SAXO1: variants seen among roughly 807,000 people sequenced by gnomAD.
SAXO1 encodes stabilizer of axonemal microtubules 1, also known as 4930500O09Rik.
In SAXO1, 21 loss-of-function variants were observed where a neutral mutation model predicts 17.5. The ratio of observed to expected loss-of-function variants is 1.20; its 90% CI spans 0.85 to 1.72. SAXO1 has a LOEUF of 1.72. SAXO1 is among the 40% of genes most tolerant of loss of function. SAXO1 has a pLI of 0.00. For synonymous variants in SAXO1, 274 were observed against 216.5 expected, an observed-to-expected ratio of 1.27 and a Z score of -2.33; for missense variants, 843 against 596.0, an observed-to-expected ratio of 1.41 and a Z score of -4.32.
chr9:18,937,388 C>T (rs1253685963), intron 3 of SAXO1, among the ~76,000 whole-genome samples: 1 of 152,218 alleles, frequency 6.6e-6, no homozygotes, highest in Non-Finnish European at 1.5e-5. Context: ...TCACTTGACA[C>T]ACTTTGTTGT....
At chr9:19,025,035 C>T (rs1835415663) in intron 1 of SAXO1, among the ~76,000 whole-genome samples, 2 of 152,092 alleles carry the variant, frequency 1.3e-5, no homozygotes, top group South Asian at 2.1e-4. Context: ...GACATATACC[C>T]ACTTGTACTC....
chr9:18,965,848 T>C (rs1832694349), intron 1 of SAXO1, among the ~76,000 whole-genome samples: 1 of 152,234 alleles, frequency 6.6e-6, no homozygotes, highest in Non-Finnish European at 1.5e-5. Context: ...GTCATTGGTC[T>C]TTACATTTCG....
intron 1 of SAXO1, among the ~76,000 whole-genome samples, chr9:19,002,182 C>A (rs919658346): frequency 3.3e-5 from 5 of 152,092 alleles, no homozygotes; most frequent in African/African-American, 9.7e-5. Context: ...CATACCCTCC[C>A]AAGACTAAAC....
upstream of SAXO1, among the ~76,000 whole-genome samples, chr9:19,036,761 G>C (rs1467433809): frequency 6.6e-6 from 1 of 152,210 alleles, no homozygotes; most frequent in African/African-American, 2.4e-5. Flanking sequence ...ACCTCTGCTA[G>C]GGCAATGTGA....
At chr9:19,032,781 G>A in intron 1 of SAXO1, 90 bp downstream of exon 1, 6 of 1,436,220 alleles carry the variant, frequency 4.2e-6, no homozygotes, top group African/African-American at 2.8e-5. Context: ...CCGTGATGCC[G>A]CCTGATGAAG....
chr9:19,028,218 A>AT (rs397705070), intron 1 of SAXO1: 9 of 1,015,256 alleles, frequency 8.9e-6, no homozygotes, highest in Non-Finnish European at 1.2e-5. Flanking sequence ...AACAAAAAAA[A>AT]TACAAAAATT....
chr9:19,027,208 C>A, intron 1 of SAXO1: 1 of 1,185,942 alleles, frequency 8.4e-7, no homozygotes, highest in Non-Finnish European at 1.3e-6. Context: ...GACAAGTGTG[C>A]TGTGATCAAA....
chr9:19,015,496 A>G (rs1834936332), intron 1 of SAXO1, among the ~76,000 whole-genome samples: 1 of 152,060 alleles, frequency 6.6e-6, no homozygotes, highest in African/African-American at 2.4e-5. Context: ...TGTGTGTACC[A>G]CCACGCCCGG....
chr9:18,953,786 TG>T (rs1475950089), intron 1 of SAXO1, among the ~76,000 whole-genome samples: 2 of 152,230 alleles, frequency 1.3e-5, no homozygotes, highest in Non-Finnish European at 2.9e-5. Context: ...ATTTAATAGA[TG>T]GATAAACAGT....
intron 1 of SAXO1, among the ~76,000 whole-genome samples, chr9:19,008,948 T>G (rs1320519501): frequency 6.6e-6 from 1 of 152,166 alleles, no homozygotes; most frequent in Non-Finnish European, 1.5e-5. Flanking sequence ...AATCACCAAA[T>G]TGAAAGCAAT....
rs370921294 is a variant in SAXO1 at position 18,965,058 on chromosome 9, G to A, written c.39-14121C>T. Among the ~76,000 whole-genome samples, 473 of 152,282 alleles carry A rather than the reference G, an allele frequency of 3.1e-3. 7 individuals are homozygous for A. The South Asian group carries it at 0.044, about 14-fold the overall frequency. ...CAGGTTGTTCAGTTTCCATGTAGTCGTGCAGTTTTGAGTGAGTTTCTTAAT... is the reference window on the plus strand; with the variant it reads ...CAGGTTGTTCAGTTTCCATGTAGTCATGCAGTTTTGAGTGAGTTTCTTAAT... On this transcript the variant is annotated intron_variant, in intron 1 of 3. Transcript: ENST00000380534.
intron 2 of SAXO1, among the ~76,000 whole-genome samples, chr9:18,943,052 G>T (rs781776169): frequency 3.3e-5 from 5 of 152,236 alleles, no homozygotes; most frequent in Non-Finnish European, 7.3e-5. Context: ...ACTCAGCCAT[G>T]CTTGACTAGC....
intron 1 of SAXO1, among the ~76,000 whole-genome samples, chr9:18,975,609 C>G (rs910415489): frequency 6.6e-6 from 1 of 152,184 alleles, no homozygotes; most frequent in Non-Finnish European, 1.5e-5. Flanking sequence ...AGGATAAACT[C>G]CAGGCATAGT....
chr9:18,955,660 T>C (rs1360129522), intron 1 of SAXO1, among the ~76,000 whole-genome samples: 1 of 152,238 alleles, frequency 6.6e-6, no homozygotes, highest in African/African-American at 2.4e-5. Flanking sequence ...TAAAGCAGTC[T>C]TTCTTACTTC....
chr9:18,985,583 G>A (rs1325447668), intron 1 of SAXO1, among the ~76,000 whole-genome samples: 1 of 152,268 alleles, frequency 6.6e-6, no homozygotes, highest in East Asian at 1.9e-4. Flanking sequence ...CTCCTCGAGT[G>A]TACTCTCCTG....
chr9:18,951,506 T>A (rs554314234), intron 1 of SAXO1, among the ~76,000 whole-genome samples: 1 of 152,352 alleles, frequency 6.6e-6, no homozygotes. Context: ...CACTTTCACA[T>A]TGAAAGTCTC....
intron 1 of SAXO1, among the ~76,000 whole-genome samples, chr9:18,977,004 T>C (rs1368684240): frequency 6.6e-6 from 1 of 152,232 alleles, no homozygotes; most frequent in African/African-American, 2.4e-5. Flanking sequence ...TTCTTCATTA[T>C]TGCTAATGGA....
At chr9:19,015,362 G>C (rs188636374) in intron 1 of SAXO1, among the ~76,000 whole-genome samples, 2 of 152,082 alleles carry the variant, frequency 1.3e-5, no homozygotes, top group Non-Finnish European at 2.9e-5. Flanking sequence ...TTTTGTTTTT[G>C]AGACAGAGTC....
chr9:19,018,771 C>T lies in SAXO1; in HGVS notation c.38+14100G>A, dbSNP rs574717128. Among the ~76,000 whole-genome samples, 13 of 152,310 alleles carry T rather than the reference C, an allele frequency of 8.5e-5. No homozygotes were observed. In the South Asian group the frequency reaches 2.3e-3, roughly 27 times the overall value. On this transcript the variant is annotated intron_variant, in intron 1 of 3. Transcript: ENST00000380534. ...AGGAGCAGTGGTTAGAGACAGGACG[C>T]TGAAGTCTGGGTATGTGCTTTATAT...
Sources: allele counts gnomAD v4.1 joint callset (sites outside exome capture counted in the v4.1 genomes callset), GRCh38; gene constraint gnomAD v4.1.1; transcripts MANE v1.5; gene names NCBI Gene and HGNC (gene_info 2026-07-23, HGNC 2026-07-21).